Variants in LGSN observed in about 807,000 individuals in gnomAD.
LGSN encodes lengsin.
In LGSN, 21 loss-of-function variants were observed where a neutral mutation model predicts 19.5. The observed-to-expected ratio is 1.07, with a 90% CI of 0.76 to 1.55. LGSN has a LOEUF of 1.55. Ranked by LOEUF, LGSN falls within the 40% of genes most tolerant of loss-of-function variation. The pLI is 0.00. For missense variants in LGSN, 673 were observed against 608.5 expected (o/e 1.11, Z -1.12); for synonymous variants, 257 against 215.6 (o/e 1.19, Z -1.68).
the LGSN span, chr6:63,440,759 C>T: frequency 4.3e-3 from 658 of 153,982 alleles, 6 homozygotes; most frequent in South Asian, 5.5e-3. Flanking sequence ...TTCAGCCGAC[C>T]GTCACCATGA....
chr6:63,463,858 A>G, the LGSN span, among the ~76,000 whole-genome samples: 1 of 152,224 alleles, frequency 6.6e-6, no homozygotes, highest in Non-Finnish European at 1.5e-5. Context: ...AACCTGATGT[A>G]TCAATTTTGC....
the LGSN span, among the ~76,000 whole-genome samples, chr6:63,481,184 A>G: frequency 6.6e-6 from 1 of 152,072 alleles, no homozygotes; most frequent in Admixed American, 6.6e-5. Flanking sequence ...GCAAAGGCAT[A>G]CAAAGTGATA....
At chr6:63,472,752 A>T in the LGSN span, among the ~76,000 whole-genome samples, 1 of 151,946 alleles carries the variant, frequency 6.6e-6, no homozygotes, top group African/African-American at 2.4e-5. Flanking sequence ...CATCCTGGCT[A>T]ACGCAGTGAA....
At chr6:63,498,220 G>C in the LGSN span, among the ~76,000 whole-genome samples, 3 of 151,872 alleles carry the variant, frequency 2.0e-5, no homozygotes, top group Non-Finnish European at 2.9e-5. Context: ...ATCCCACCTT[G>C]TCATGTTTCT....
At chr6:63,486,299 G>T in the LGSN span, among the ~76,000 whole-genome samples, 666 of 152,180 alleles carry the variant, frequency 4.4e-3, 4 homozygotes, top group Middle Eastern at 0.02. Flanking sequence ...TGCCTTTCAG[G>T]TAAGGAACTC....
chr6:63,564,368 A>G, the LGSN span, among the ~76,000 whole-genome samples: 1 of 152,228 alleles, frequency 6.6e-6, no homozygotes, highest in African/African-American at 2.4e-5. Flanking sequence ...AACTATAGAA[A>G]TACACGAAGA....
the LGSN span, chr6:63,440,837 C>G: frequency 5.8e-6 from 1 of 173,846 alleles, no homozygotes; most frequent in East Asian, 1.5e-4. Context: ...ACCTGAGCCT[C>G]AGCAACCTGG....
chr6:63,433,167 T>TG, the LGSN span, among the ~76,000 whole-genome samples: 7 of 150,860 alleles, frequency 4.6e-5, no homozygotes, highest in Admixed American at 3.3e-4. Context: ...GGGGGAAAGT[T>TG]GGGGGGGTGG....
At chr6:63,434,425 G>A in the LGSN span, among the ~76,000 whole-genome samples, 1 of 131,208 alleles carries the variant, frequency 7.6e-6, no homozygotes, top group Non-Finnish European at 1.6e-5. Flanking sequence ...AAGCAACAGA[G>A]CAAGACTCCA....
intron 2 of LGSN, among the ~76,000 whole-genome samples, chr6:63,287,440 T>C: frequency 1.3e-5 from 2 of 152,122 alleles, no homozygotes; most frequent in East Asian, 1.9e-4. Flanking sequence ...ACTCCTGTAA[T>C]ACCAGCAGGA....
the LGSN span, among the ~76,000 whole-genome samples, chr6:63,428,952 G>A: frequency 6.6e-6 from 1 of 152,156 alleles, no homozygotes; most frequent in African/African-American, 2.4e-5. Flanking sequence ...AGGAGGCTGA[G>A]GTATTCCTGA....
chr6:63,280,737 G>C lies in LGSN; in HGVS notation c.814C>G (p.Pro272Ala), dbSNP rs533387909. ...TCAGCTGAGCTAATGCCAAATTCAG[G>C]CAGGAAAGAGATTTCCATCTGACCA... is the stretch of plus-strand genomic sequence containing the variant. ...RPGQMEISFLPEFGISSADNA... is the reference protein window; with the variant it reads ...RPGQMEISFLAEFGISSADNA... The change falls in exon 4 of 4, where the codon CCT becomes GCT. Residue 272 changes from proline to alanine, a missense_variant. Pro to Ala is a conservative substitution (Grantham distance 27). Transcript: ENST00000370657. The C allele has an allele frequency of 1.9e-5, 30 of 1,614,078 alleles. No individual in the cohort carries two copies. The Middle Eastern group carries it at 8.2e-4, about 44-fold the overall frequency.
chr6:63,365,869 CTT>C, the LGSN span, among the ~76,000 whole-genome samples: 1 of 152,206 alleles, frequency 6.6e-6, no homozygotes, highest in African/African-American at 2.4e-5. Context: ...GCAGAAAAGT[CTT>C]TTGACAAAAT....
the LGSN span, among the ~76,000 whole-genome samples, chr6:63,432,173 A>AAAGAAAGAAAGAGAG: frequency 3.4e-5 from 1 of 29,552 alleles, no homozygotes; most frequent in African/African-American, 1.7e-4. Flanking sequence ...AAGAAAGAAA[A>AAAGAAAGAAAGAGAG]GGAAAGAAAG....
chr6:63,420,170 T>C, the LGSN span, among the ~76,000 whole-genome samples: 1 of 149,250 alleles, frequency 6.7e-6, no homozygotes, highest in Non-Finnish European at 1.5e-5. Context: ...ACCACTGCAC[T>C]CCAGCGGAGG....
chr6:63,328,613 C>T, the LGSN span, among the ~76,000 whole-genome samples: 1 of 152,198 alleles, frequency 6.6e-6, no homozygotes, highest in South Asian at 2.1e-4. Context: ...AATTTCCTTA[C>T]TTAGGTATGC....
chr6:63,412,463 AAAAAGAGAGAG>A, the LGSN span, among the ~76,000 whole-genome samples: 43 of 125,532 alleles, frequency 3.4e-4, 1 homozygote, highest in African/African-American at 1.5e-3. Context: ...AGAAAGAAAG[AAAAAGAGAGAG>A]AAGAAAGAGA....
the LGSN span, among the ~76,000 whole-genome samples, chr6:63,451,364 G>C: frequency 1.3e-5 from 2 of 152,188 alleles, no homozygotes; most frequent in Admixed American, 6.5e-5. Flanking sequence ...AGATAGACTG[G>C]GTAGAGAAAA....
the LGSN span, among the ~76,000 whole-genome samples, chr6:63,377,819 C>A: frequency 9.5e-5 from 14 of 147,286 alleles, no homozygotes; most frequent in African/African-American, 3.5e-4. Context: ...GAGGCTGAGG[C>A]AGGAGAATCG....
Sources: allele counts gnomAD v4.1 joint callset (sites outside exome capture counted in the v4.1 genomes callset), GRCh38; gene constraint gnomAD v4.1.1; transcripts MANE v1.5; gene names NCBI Gene and HGNC (gene_info 2026-07-23, HGNC 2026-07-21).